The following RNF216 variants were observed in gnomAD, a reference collection of about 807,000 sequenced individuals.
RNF216 encodes ring finger protein 216, also known as E3 ubiquitin-protein ligase RNF216.
A neutral mutation model predicts 110.8 loss-of-function variants in RNF216; 72 were observed. The observed-to-expected ratio is 0.65, with a 90% CI of 0.54 to 0.79. The LOEUF is 0.79. RNF216 is among the 30% of genes least tolerant of loss of function. The probability of loss-of-function intolerance (pLI) is 0.00; values close to 1 mark genes in which losing one functional copy is unlikely to be tolerated. For missense variants in RNF216, 1,342 were observed against 1,141.2 expected (o/e 1.18, Z -2.54); for synonymous variants, 495 against 407.5 (o/e 1.21, Z -2.59).
intron 7 of RNF216, among the ~76,000 whole-genome samples, chr7:5,725,667 T>C (rs138324765): frequency 0.02 from 3,033 of 152,150 alleles, 46 homozygotes; most frequent in Non-Finnish European, 0.032. Context: ...CTGGCCAACA[T>C]GGTGAAACCC....
At position 5,660,496 on chromosome 7, in the gene RNF216, C is replaced by T. The variant is rs1464036694; in HGVS notation, c.2062-7986G>A. Among the ~76,000 whole-genome samples, 3 of 151,220 alleles carry T rather than the reference C, an allele frequency of 2.0e-5. No individual in the cohort carries two copies. The East Asian group carries it at 5.8e-4, about 29-fold the overall frequency. On this transcript the variant is annotated intron_variant, in intron 13 of 16. Transcript: ENST00000389902. ...TAGTAGAGACAGGGTTTCACCATGTCGGCCAGGATGGTCTCCATCTCTTGA... is the reference window on the plus strand; with the variant it reads ...TAGTAGAGACAGGGTTTCACCATGTTGGCCAGGATGGTCTCCATCTCTTGA...
At chr7:5,692,179 T>G (rs867245607) in intron 13 of RNF216, among the ~76,000 whole-genome samples, 2 of 152,324 alleles carry the variant, frequency 1.3e-5, no homozygotes, top group Middle Eastern at 3.4e-3. Context: ...GAGGGAACTA[T>G]GAATCGAGGC....
At chr7:5,666,654 G>C (rs1289952751) in intron 13 of RNF216, 1 of 152,164 alleles carries the variant, frequency 6.6e-6, no homozygotes, top group African/African-American at 2.4e-5. Flanking sequence ...CTTCTGAGCT[G>C]CGCCTCTGAA....
At chr7:5,736,816 C>CT (rs1453793708) in intron 5 of RNF216, among the ~76,000 whole-genome samples, 1 of 152,038 alleles carries the variant, frequency 6.6e-6, no homozygotes, top group African/African-American at 2.4e-5. Flanking sequence ...GCCGCCCCGT[C>CT]TGAGAAGTGA....
intron 13 of RNF216, among the ~76,000 whole-genome samples, chr7:5,681,412 A>C (rs948848895): frequency 2.0e-5 from 3 of 152,194 alleles, no homozygotes; most frequent in African/African-American, 7.2e-5. Flanking sequence ...CACAGAAACA[A>C]CTGTGGATTA....
intron 13 of RNF216, among the ~76,000 whole-genome samples, chr7:5,708,022 C>T (rs537775688): frequency 1.3e-5 from 2 of 152,220 alleles, no homozygotes; most frequent in East Asian, 1.9e-4. Flanking sequence ...CCACCATGCC[C>T]GGACAGTGTG....
rs1249829613 is a variant in RNF216, at chr7:5,680,648, C to T, written c.2062-28138G>A. ...CGATCTCCTGACCTTGTGATCTGCC[C>T]GACTCGGCCTCCCAAAGTGCTGGGA... On this transcript the variant is annotated intron_variant, in intron 13 of 16. Transcript: ENST00000389902. This position sits in a 1 kb window ranked among gnomAD's most constrained non-coding sequence, Gnocchi z 4.3. 2.6e-5 allele frequency among the ~76,000 whole-genome samples: 4 copies of T among 152,030 alleles called. No individual in the cohort carries two copies. The highest frequency in any genetic ancestry group is 4.1e-4 in the South Asian group (2 of 4,828).
intron 5 of RNF216, among the ~76,000 whole-genome samples, chr7:5,735,451 G>A (rs1214028416): frequency 6.6e-6 from 1 of 152,094 alleles, no homozygotes; most frequent in Non-Finnish European, 1.5e-5. Context: ...ATTAAAAAAA[G>A]ATTAAAAATA....
chr7:5,701,789 G>A (rs778863288), intron 13 of RNF216, among the ~76,000 whole-genome samples: 1 of 152,196 alleles, frequency 6.6e-6, no homozygotes, highest in African/African-American at 2.4e-5. Context: ...GTGCTGTGCA[G>A]AGCTGCACAT....
chr7:5,679,615 C>T (rs1790524402), intron 13 of RNF216, among the ~76,000 whole-genome samples: 2 of 152,216 alleles, frequency 1.3e-5, no homozygotes, highest in South Asian at 2.1e-4. Context: ...GGCTTAGCTC[C>T]AGGCGCTATG....
intron 13 of RNF216, among the ~76,000 whole-genome samples, chr7:5,671,879 A>T (rs1789941938): frequency 6.6e-6 from 1 of 151,634 alleles, no homozygotes; most frequent in Admixed American, 6.6e-5. Flanking sequence ...ATGTGAGGAC[A>T]CAGCACGAAG....
In RNF216 at chr7:5,715,189, T is replaced by C; in HGVS notation, c.1697A>G (p.Asp566Gly). Residue 566 changes from aspartate to glycine, a missense_variant and splice_region_variant, in exon 11 of 17, where the codon GAT becomes GGT. By Grantham distance (94) the Asp-to-Gly change is moderately conservative. Transcript: ENST00000389902. ...GCAGCGACACTCAATCAGCTGGCCA[T>C]CCTGCAGGCAGTCAAGAAACACACA... is the stretch of plus-strand genomic sequence containing the variant. ...LQMNEEQYQK[D>G]GQLIECRCCY... 2.5e-6 allele frequency: 4 copies of C among 1,612,578 alleles called. No individual in the cohort carries two copies. The highest frequency in any genetic ancestry group is 1.1e-5 in the South Asian group (1 of 91,022).
At position 5,689,903 on chromosome 7, in the gene RNF216, T is replaced by C. The variant is rs376460734; in HGVS notation, c.2061+21858A>G. On this transcript the variant is annotated intron_variant, in intron 13 of 16. Coordinates refer to ENST00000389902, the MANE Select transcript of RNF216 (RefSeq NM_207111.4). ...TTGCAGTGAGCCAAGATTGCGCCAC[T>C]GCATTCCAGCCTGGGTGACTCTGTC... Among the ~76,000 whole-genome samples, 27 of 149,238 alleles carry C rather than the reference T, an allele frequency of 1.8e-4. No homozygotes were observed. The East Asian group carries it at 4.7e-3, about 26-fold the overall frequency.
intron 14 of RNF216, among the ~76,000 whole-genome samples, chr7:5,644,380 G>A (rs528572047): frequency 6.6e-6 from 1 of 152,228 alleles, no homozygotes; most frequent in South Asian, 2.1e-4. Flanking sequence ...ATCCTAATAG[G>A]TGTGAAGCGG....
chr7:5,672,032 A>G (rs1274444966), intron 13 of RNF216, among the ~76,000 whole-genome samples: 1 of 152,224 alleles, frequency 6.6e-6, no homozygotes, highest in Non-Finnish European at 1.5e-5. Context: ...AAGGCAGCCG[A>G]GCTGACCAAG....
chr7:5,723,496 A>T (rs1793566697), intron 8 of RNF216, among the ~76,000 whole-genome samples: 1 of 151,946 alleles, frequency 6.6e-6, no homozygotes, highest in Non-Finnish European at 1.5e-5. Flanking sequence ...AAACACAAAA[A>T]ATTAGCCGGA....
intron 13 of RNF216, among the ~76,000 whole-genome samples, chr7:5,671,910 G>T (rs1465643663): frequency 6.6e-6 from 1 of 151,728 alleles, no homozygotes; most frequent in Non-Finnish European, 1.5e-5. Context: ...GCAAGCCAAG[G>T]AGAGGGGCCT....
intron 1 of RNF216, among the ~76,000 whole-genome samples, chr7:5,772,866 C>A (rs1303691602): frequency 6.6e-6 from 1 of 151,214 alleles, no homozygotes; most frequent in African/African-American, 2.4e-5. Context: ...CAACCCTCTG[C>A]ATCCCGGGTT....
Position 5,680,857 on chromosome 7 carries a change from C to T in RNF216, c.2062-28347G>A, listed in dbSNP as rs936280332. Among the ~76,000 whole-genome samples, 1 of 152,158 alleles carries T rather than the reference C, an allele frequency of 6.6e-6. No individual in the cohort carries two copies. Among genetic ancestry groups the T allele is most frequent in the African/African-American group, 2.4e-5 (1 of 41,440 alleles). On this transcript the variant is annotated intron_variant, in intron 13 of 16. Transcript: ENST00000389902. This position sits in a 1 kb window ranked among gnomAD's most constrained non-coding sequence, Gnocchi z 4.3. ...CCAATTCCTCCTTTCTCTTTACCCCCACTCATTCCAGCTTGTCCTTTCTGT... is the reference window on the plus strand; with the variant it reads ...CCAATTCCTCCTTTCTCTTTACCCCTACTCATTCCAGCTTGTCCTTTCTGT...
Sources: gnomAD v4.1 joint callset for allele counts (sites outside exome capture counted in the v4.1 genomes callset) on GRCh38, gnomAD v4.1.1 for gene constraint, Gnocchi (gnomAD v3.1) non-coding constraint, MANE v1.5 for transcripts, NCBI Gene and HGNC (gene_info 2026-07-23, HGNC 2026-07-21) for gene names.